COBLL1: variants seen among roughly 807,000 people sequenced by gnomAD.
COBLL1 encodes cordon-bleu protein-like 1.
Under a neutral mutation model 94.8 loss-of-function variants are expected in COBLL1, and 50 were observed. That is an observed-to-expected ratio of 0.53 (90% CI 0.42 to 0.67). The LOEUF (loss-of-function observed/expected upper bound fraction) is 0.67, where lower values mean the gene tolerates loss of function less well. Among genes scored for constraint, COBLL1 ranks in the 30% least tolerant of loss-of-function variants. The probability of loss-of-function intolerance (pLI) is 0.00; values close to 1 mark genes in which losing one functional copy is unlikely to be tolerated. For missense variants in COBLL1, 1,362 were observed against 1,348.7 expected, an observed-to-expected ratio of 1.01 and a Z score of -0.15; for synonymous variants, 448 against 473.8, an observed-to-expected ratio of 0.95 and a Z score of 0.71.
At position 164,840,872 on chromosome 2, in the gene COBLL1, A is replaced by G. The variant is rs545028153; in HGVS notation, c.41+284T>C. The G allele has an allele frequency of 1.8e-3, 648 of 354,626 alleles. 1 individual carries two copies. Among genetic ancestry groups the G allele is most frequent in the Admixed American group, 5.2e-3 (110 of 21,186 alleles). 22.0% of individuals were successfully genotyped at this position (354,626 alleles called of 1,614,324 possible). A position where few individuals can be genotyped will look rare whatever the true frequency, so the allele number is the denominator to read the frequency against. On this transcript the variant is annotated intron_variant, in intron 2 of 13. Coordinates refer to ENST00000652658, the MANE Select transcript of COBLL1 (RefSeq NM_001365672.2). ...CCCAAACAAGGGTCCCTTTGTTACA[A>G]TTTTTGCTCCCGGACTCCTCACCCA...
chr2:164,780,168 A>G (rs1452005878), intron 2 of COBLL1, among the ~76,000 whole-genome samples: 1 of 152,066 alleles, frequency 6.6e-6, no homozygotes, highest in African/African-American at 2.4e-5. Context: ...CAAATTACTT[A>G]TCCTCATTCT....
At chr2:164,813,797 A>G (rs34478915) in intron 2 of COBLL1, among the ~76,000 whole-genome samples, 18,085 of 152,170 alleles carry the variant, frequency 0.12, 1,470 homozygotes, top group African/African-American at 0.23. Flanking sequence ...ATATGATCAC[A>G]TGATTATTTT....
At chr2:164,791,009 A>G (rs76436074) in intron 2 of COBLL1, among the ~76,000 whole-genome samples, 6,565 of 152,284 alleles carry the variant, frequency 0.043, 364 homozygotes, top group African/African-American at 0.13. Flanking sequence ...TAAAGTCTGC[A>G]TCTAAATTAG....
At chr2:164,758,761 C>T (rs894540334) in intron 2 of COBLL1, among the ~76,000 whole-genome samples, 14 of 151,334 alleles carry the variant, frequency 9.3e-5, no homozygotes, top group African/African-American at 3.2e-4. Context: ...GTATAAAAGG[C>T]CTTATTACAA....
At chr2:164,792,651 A>G (rs73968263) in intron 2 of COBLL1, among the ~76,000 whole-genome samples, 3,698 of 152,326 alleles carry the variant, frequency 0.024, 105 homozygotes, top group African/African-American at 0.073. Context: ...TGTTTAGATT[A>G]AATTATACAC....
intron 2 of COBLL1, among the ~76,000 whole-genome samples, chr2:164,796,763 C>T (rs1260981989): frequency 6.8e-6 from 1 of 147,556 alleles, no homozygotes; most frequent in Non-Finnish European, 1.5e-5. Context: ...TTGCTGAGGC[C>T]AGGAGTTTGA....
intron 2 of COBLL1, among the ~76,000 whole-genome samples, chr2:164,800,304 A>C (rs539219892): frequency 1.1e-4 from 16 of 152,342 alleles, no homozygotes; most frequent in African/African-American, 3.1e-4. Flanking sequence ...ACAAATGGCA[A>C]ATAAGCACAT....
intron 7 of COBLL1, among the ~76,000 whole-genome samples, chr2:164,715,046 G>T (rs929608183): frequency 5.9e-5 from 9 of 152,082 alleles, no homozygotes; most frequent in African/African-American, 2.2e-4. Context: ...GGCCCAGAGG[G>T]TTGTCATAAG....
At chr2:164,825,611 G>GA (rs1199374938) in intron 2 of COBLL1, among the ~76,000 whole-genome samples, 2 of 152,006 alleles carry the variant, frequency 1.3e-5, no homozygotes, top group Non-Finnish European at 2.9e-5. Context: ...AGCGAATCCA[G>GA]AAAAAAATAC....
intron 2 of COBLL1, among the ~76,000 whole-genome samples, chr2:164,806,120 G>A (rs945431578): frequency 1.3e-5 from 2 of 151,518 alleles, no homozygotes; most frequent in Non-Finnish European, 1.5e-5. Context: ...ACTGTTAGGG[G>A]TCTTGTTTAC....
At chr2:164,751,034 C>T (rs1394240388) in intron 2 of COBLL1, among the ~76,000 whole-genome samples, 1 of 152,160 alleles carries the variant, frequency 6.6e-6, no homozygotes, top group East Asian at 1.9e-4. Context: ...AAGAGCCTTC[C>T]ATAGCTTTGC....
chr2:164,808,109 C>T (rs1374189953), intron 2 of COBLL1, among the ~76,000 whole-genome samples: 1 of 152,132 alleles, frequency 6.6e-6, no homozygotes, highest in South Asian at 2.1e-4. Context: ...CATGATCCAC[C>T]GTGCCTGGCC....
chr2:164,737,323 G>A (rs1686358532), intron 3 of COBLL1, among the ~76,000 whole-genome samples: 1 of 152,092 alleles, frequency 6.6e-6, no homozygotes, highest in African/African-American at 2.4e-5. Flanking sequence ...CCCAACCAGG[G>A]GAGCAGGCAG....
intron 2 of COBLL1, among the ~76,000 whole-genome samples, chr2:164,658,682 A>AT (rs370007420): frequency 1.1e-4 from 17 of 152,312 alleles, no homozygotes; most frequent in Non-Finnish European, 2.1e-4. Context: ...TGCCTAAGTG[A>AT]AAGATTTGGT....
At chr2:164,663,375 T>A (rs1344855021) in intron 2 of COBLL1, among the ~76,000 whole-genome samples, 2 of 152,176 alleles carry the variant, frequency 1.3e-5, no homozygotes, top group Non-Finnish European at 2.9e-5. Context: ...TTGGTAGGAA[T>A]GTAAATTAGT....
Position 164,787,568 on chromosome 2 carries a change from GA to G in COBLL1, c.42-43694del, listed in dbSNP as rs951694457. 3.9e-5 allele frequency among the ~76,000 whole-genome samples: 6 copies of G among 152,068 alleles called. No homozygotes were observed. In the East Asian group the frequency reaches 5.8e-4, roughly 15 times the overall value. On this transcript the variant is annotated intron_variant, in intron 2 of 13. Coordinates refer to ENST00000652658, the MANE Select transcript of COBLL1 (RefSeq NM_001365672.2). Reference sequence around the variant, plus strand: ...CAACTATACCTCAGTAAGGCTGGGGGAAAAAATAAGTATCCATCCTCTGAAT... The same window carrying G: ...CAACTATACCTCAGTAAGGCTGGGGGAAAAATAAGTATCCATCCTCTGAAT...
rs959186542 is a variant in COBLL1, at chr2:164,682,255, A to G, written c.*3691T>C. 1 of 152,160 alleles carries G rather than the reference A, an allele frequency of 6.6e-6. No individual in the cohort carries two copies. The highest frequency in any genetic ancestry group is 1.9e-4 in the East Asian group (1 of 5,196). The allele number at this position is 152,160 out of a possible 1,614,324, so 9.4% of individuals were successfully genotyped here. On this transcript the variant is annotated 3_prime_UTR_variant, in exon 14 of 14. Transcript: ENST00000652658. The stretch of plus-strand genomic sequence containing the variant: ...ATATTTTTACATCTAAAACCTCAGA[A>G]ATCACTTTGACCCTGGAAATCTTCA...
At chr2:164,764,560 TTTCCCACCAAAGGAATCAGGG>T (rs1687845669) in intron 2 of COBLL1, among the ~76,000 whole-genome samples, 1 of 152,164 alleles carries the variant, frequency 6.6e-6, no homozygotes, top group South Asian at 2.1e-4. Flanking sequence ...TGAAAATATA[TTTCCCACCAAAGGAATCAGGG>T]TTCCTTGAAA....
intron 2 of COBLL1, among the ~76,000 whole-genome samples, chr2:164,806,328 T>C (rs974746): frequency 0.35 from 53,763 of 152,026 alleles, 9,720 homozygotes; most frequent in Admixed American, 0.41. Flanking sequence ...TTTCTTTAAT[T>C]AATATGATAT....
Sources: gnomAD v4.1 joint callset for allele counts (sites outside exome capture counted in the v4.1 genomes callset) on GRCh38, gnomAD v4.1.1 for gene constraint, MANE v1.5 for transcripts, NCBI Gene and HGNC (gene_info 2026-07-23, HGNC 2026-07-21) for gene names.